The following DAB1 variants were observed in gnomAD, a reference collection of about 807,000 sequenced individuals.
DAB1 encodes the protein DAB adaptor protein 1, also known as disabled homolog 1.
DAB1 carries 15 observed loss-of-function variants against 64.6 expected under a neutral mutation model. The ratio of observed to expected loss-of-function variants is 0.23; its 90% CI spans 0.16 to 0.36. The LOEUF (loss-of-function observed/expected upper bound fraction) is 0.36, where lower values mean the gene tolerates loss of function less well. DAB1 is among the 10% of genes least tolerant of loss of function. The pLI is 1.00. For missense variants in DAB1, 596 were observed against 706.7 expected, an observed-to-expected ratio of 0.84 and a Z score of 1.78; for synonymous variants, 235 against 251.9, an observed-to-expected ratio of 0.93 and a Z score of 0.64.
At chr1:57,786,368 T>A (rs529487656) in intron 6 of DAB1, among the ~76,000 whole-genome samples, 3 of 152,250 alleles carry the variant, frequency 2.0e-5, no homozygotes, top group East Asian at 3.9e-4. Flanking sequence ...TGGCTACCAT[T>A]AATCAGGGCT....
Position 57,914,428 on chromosome 1 carries a change from G to C in DAB1, n.388-30266C>G, listed in dbSNP as rs185258048. 1.3e-4 allele frequency among the ~76,000 whole-genome samples: 18 copies of C among 140,992 alleles called. 1 individual carries two copies. In the East Asian group the frequency reaches 4.1e-3, roughly 32 times the overall value. 92.5% of individuals were successfully genotyped at this position (140,992 alleles called of 152,430 possible). ...TATCACACACCAGGGCCTGTCATGGGATGGGCGGGGGGAGGGATAGCATTA... is the reference window on the plus strand; with the variant it reads ...TATCACACACCAGGGCCTGTCATGGCATGGGCGGGGGGAGGGATAGCATTA... On this transcript the variant is annotated intron_variant and non_coding_transcript_variant, in intron 5 of 20. Coordinates refer to the DAB1 transcript ENST00000485760.
intron 4 of DAB1, among the ~76,000 whole-genome samples, chr1:58,326,377 G>A (rs1662825267): frequency 1.3e-5 from 2 of 152,170 alleles, no homozygotes; most frequent in African/African-American, 4.8e-5. Flanking sequence ...TTGAGTGCAG[G>A]AGAGGAATTA....
intron 4 of DAB1, among the ~76,000 whole-genome samples, chr1:57,136,043 G>A (rs906761688): frequency 2.6e-5 from 4 of 152,218 alleles, no homozygotes; most frequent in East Asian, 1.9e-4. Flanking sequence ...TTCAACAAAC[G>A]TATCAGCCCT....
At chr1:58,510,336 C>T (rs1646054052) in intron 2 of DAB1, among the ~76,000 whole-genome samples, 1 of 152,010 alleles carries the variant, frequency 6.6e-6, no homozygotes, top group Non-Finnish European at 1.5e-5. Flanking sequence ...ACACAAAAAT[C>T]AATTAATGTG....
At chr1:58,005,985 G>A (rs1315771307) in intron 5 of DAB1, among the ~76,000 whole-genome samples, 1 of 152,114 alleles carries the variant, frequency 6.6e-6, no homozygotes. Flanking sequence ...TGAAACCAAG[G>A]CTGTTTGGTT....
rs1020908846 is a variant in DAB1 at position 58,121,871 on chromosome 1, T to C, written n.387+28640A>G. Among the ~76,000 whole-genome samples the C allele has an allele frequency of 2.6e-5, 4 of 152,318 alleles. No individual in the cohort carries two copies. The East Asian group carries it at 7.7e-4, about 29-fold the overall frequency. On this transcript the variant is annotated intron_variant and non_coding_transcript_variant, in intron 5 of 20. Transcript: ENST00000485760. ...ATAATACTCTTCTCACTCCTTTCCTTGCCTTCTTAAGTAGAAGCGAAAAGA... is the reference window on the plus strand; with the variant it reads ...ATAATACTCTTCTCACTCCTTTCCTCGCCTTCTTAAGTAGAAGCGAAAAGA...
chr1:57,650,301 C>T (rs1186831219), intron 6 of DAB1, among the ~76,000 whole-genome samples: 1 of 131,728 alleles, frequency 7.6e-6, no homozygotes, highest in Admixed American at 7.7e-5. Context: ...TGCCACCACG[C>T]CTGGCTAATT....
At chr1:57,790,568 G>A (rs556550835) in intron 6 of DAB1, among the ~76,000 whole-genome samples, 24 of 152,238 alleles carry the variant, frequency 1.6e-4, no homozygotes, top group Admixed American at 7.2e-4. Flanking sequence ...AAGTATCCCA[G>A]AACCAGCCCA....
chr1:57,439,418 G>GTTTTTTTTTTTTTTTTTTTTTTT lies in DAB1; in HGVS notation n.626-148253_626-148252insAAAAAAAAAAAAAAAAAAAAAAA. 9.0e-4 allele frequency among the ~76,000 whole-genome samples: 105 copies of GTTTTTTTTTTTTTTTTTTTTTTT among 116,086 alleles called. 16 individuals are homozygous for GTTTTTTTTTTTTTTTTTTTTTTT. The highest frequency in any genetic ancestry group is 3.0e-3 in the African/African-American group (86 of 28,242). 76.2% of individuals were successfully genotyped at this position (116,086 alleles called of 152,430 possible). A position where few individuals can be genotyped will look rare whatever the true frequency, so the allele number is the denominator to read the frequency against. ...GCCATGCCATCAACTTGGTGATGAG[G>GTTTTTTTTTTTTTTTTTTTTTTT]TTTTTTCTTTTTTTTTTTTTTTTTT... On this transcript the variant is annotated intron_variant and non_coding_transcript_variant, in intron 7 of 20. Transcript: ENST00000485760.
At chr1:58,416,120 A>G (rs1034008179) in intron 3 of DAB1, among the ~76,000 whole-genome samples, 2 of 152,176 alleles carry the variant, frequency 1.3e-5, no homozygotes, top group African/African-American at 4.8e-5. Context: ...ACAGATAAGG[A>G]AATGCATCTT....
At chr1:57,375,220 C>T (rs1226935280) in intron 1 of DAB1, among the ~76,000 whole-genome samples, 1 of 152,156 alleles carries the variant, frequency 6.6e-6, no homozygotes, top group Non-Finnish European at 1.5e-5. Context: ...CACAGCTAAG[C>T]ACACTCATTG....
At chr1:58,320,838 A>T (rs77334271) in intron 4 of DAB1, among the ~76,000 whole-genome samples, 1 of 152,142 alleles carries the variant, frequency 6.6e-6, no homozygotes, top group South Asian at 2.1e-4. Context: ...CAGATCCCAC[A>T]TCAGCTGATT....
chr1:58,389,089 T>C (rs947178458), intron 3 of DAB1, among the ~76,000 whole-genome samples: 1 of 152,172 alleles, frequency 6.6e-6, no homozygotes, highest in Non-Finnish European at 1.5e-5. Context: ...CAATCCTTCA[T>C]GAAAACACGT....
intron 1 of DAB1, among the ~76,000 whole-genome samples, chr1:57,314,573 A>T (rs1206445221): frequency 2.6e-5 from 4 of 152,102 alleles, no homozygotes. Context: ...TAAGCAATTT[A>T]CCCAGGTTTC....
At chr1:57,340,632 CA>C (rs1245229486) in intron 1 of DAB1, among the ~76,000 whole-genome samples, 2 of 150,524 alleles carry the variant, frequency 1.3e-5, no homozygotes, top group East Asian at 3.9e-4. Flanking sequence ...CTGGCTAGCC[CA>C]GGTCAGTGTC....
At position 57,219,451 on chromosome 1, in the gene DAB1, T is replaced by A. The variant is rs534252892; in HGVS notation, c.67+71513A>T. 2.0e-5 allele frequency among the ~76,000 whole-genome samples: 3 copies of A among 152,288 alleles called. No individual in the cohort carries two copies. In the South Asian group the frequency reaches 6.2e-4, roughly 32 times the overall value. On this transcript the variant is annotated intron_variant, in intron 2 of 14. Coordinates refer to ENST00000371236, the MANE Select transcript of DAB1 (RefSeq NM_001365792.1). The stretch of plus-strand genomic sequence containing the variant: ...TGCTTTCAAATCTATTTATTTAGAA[T>A]CCCTCTCCCATACCATATGTGGCAG...
At chr1:58,012,132 C>T (rs1380068810) in intron 5 of DAB1, among the ~76,000 whole-genome samples, 1 of 152,158 alleles carries the variant, frequency 6.6e-6, no homozygotes, top group Non-Finnish European at 1.5e-5. Context: ...AGGGAGATTA[C>T]AGTCTGGCAT....
At chr1:57,077,568 A>G (rs189373425) in intron 4 of DAB1, among the ~76,000 whole-genome samples, 4 of 152,332 alleles carry the variant, frequency 2.6e-5, no homozygotes, top group East Asian at 3.9e-4. Flanking sequence ...TCATTCTGTG[A>G]ACAGAGAATT....
rs1411597063 is a variant in DAB1, at chr1:58,125,242, GTTTA to G, written n.387+25265_387+25268del. On this transcript the variant is annotated intron_variant and non_coding_transcript_variant, in intron 5 of 20. Transcript: ENST00000485760. ...ACTGTGTGGGATGTTTCACTAATTT[GTTTA>G]TTTGTTTGTACAATGTAAAAAACAT... is the stretch of plus-strand genomic sequence containing the variant. Among the ~76,000 whole-genome samples, 8 of 152,090 alleles carry G rather than the reference GTTTA, an allele frequency of 5.3e-5. No individual in the cohort carries two copies. In the South Asian group the frequency reaches 6.2e-4, roughly 12 times the overall value.
Sources: allele counts gnomAD v4.1 joint callset (sites outside exome capture counted in the v4.1 genomes callset), GRCh38; gene constraint gnomAD v4.1.1; transcripts MANE v1.5; gene names NCBI Gene and HGNC (gene_info 2026-07-23, HGNC 2026-07-21).